POLR3E: variants seen among roughly 807,000 people sequenced by gnomAD.
The protein encoded by POLR3E is DNA-directed RNA polymerase III subunit RPC5.
Under a neutral mutation model 96.6 loss-of-function variants are expected in POLR3E, and 41 were observed. That is an observed-to-expected ratio of 0.42 (90% CI 0.33 to 0.55). The LOEUF (loss-of-function observed/expected upper bound fraction) is 0.55, where lower values mean the gene tolerates loss of function less well. POLR3E is among the 20% of genes least tolerant of loss of function. The pLI is 0.06. For synonymous variants in POLR3E, 396 were observed against 383.6 expected (o/e 1.03, Z -0.38); for missense variants, 849 against 952.1 (o/e 0.89, Z 1.43).
At position 22,301,860 on chromosome 16, in the gene POLR3E, G is replaced by C. The variant is rs373007597; in HGVS notation, c.-38-1071G>C. 8.8e-4 allele frequency among the ~76,000 whole-genome samples: 134 copies of C among 151,416 alleles called. 3 individuals are homozygous for C. The South Asian group carries it at 0.024, about 27-fold the overall frequency. ...AATCGCTTGAACCCGGGAGGCAGAG[G>C]TTGCAGTGAGCCGATCGTACCACCG... On this transcript the variant is annotated intron_variant, in intron 1 of 20. Coordinates refer to ENST00000299853, the MANE Select transcript of POLR3E (RefSeq NM_018119.4).
intron 2 of POLR3E, among the ~76,000 whole-genome samples, chr16:22,303,622 G>T (rs191985992): frequency 2.8e-4 from 40 of 141,990 alleles, no homozygotes; most frequent in African/African-American, 1.2e-3. Flanking sequence ...GGTACAGGCA[G>T]TGGGAGGCAG....
In POLR3E at chr16:22,325,799, G is replaced by A; in HGVS notation, c.1387G>A (p.Val463Ile). Residue 463 changes from valine to isoleucine, a missense_variant, in exon 18 of 21, where the codon GTA becomes ATA. By Grantham distance (29) the Val-to-Ile change is conservative (BLOSUM62 3). Transcript: ENST00000299853. ...GGTCTGTGGGGACCAGCGGATCCAA[G>A]TAGCCAAAACCAAGGCCCAGCAGAA... is the stretch of plus-strand genomic sequence containing the variant. ...GLVCGDQRIQ[V>I]AKTKAQQNHA... 6.3e-7 allele frequency: 1 copy of A among 1,599,290 alleles called. No individual in the cohort carries two copies. Among genetic ancestry groups the A allele is most frequent in the Middle Eastern group, 2.0e-4 (1 of 5,022 alleles).
chr16:22,297,902 G>T (rs1468869913), intron 1 of POLR3E, among the ~76,000 whole-genome samples: 6 of 152,254 alleles, frequency 3.9e-5, no homozygotes, highest in African/African-American at 1.4e-4. Flanking sequence ...CGTGAGAAGG[G>T]GGGCCTGACC....
Position 22,324,427 on chromosome 16 carries a change from T to C in POLR3E, c.1128+14T>C, listed in dbSNP as rs1465412900. The C allele has an allele frequency of 6.2e-7, 1 of 1,611,802 alleles. No homozygotes were observed. Among genetic ancestry groups the C allele is most frequent in the Middle Eastern group, 1.7e-4 (1 of 5,874 alleles). On this transcript the variant is annotated intron_variant, in intron 15 of 20. Coordinates refer to ENST00000299853, the MANE Select transcript of POLR3E (RefSeq NM_018119.4). ...ACCGTGACCAAAGTAAGTGGCGTTT[T>C]TGTGGTCTGAGGCCCAGGCTGCTGC... is the stretch of plus-strand genomic sequence containing the variant.
At chr16:22,303,159 C>A (rs2048062599) in intron 2 of POLR3E, among the ~76,000 whole-genome samples, 155 bp downstream of exon 2, 1 of 152,056 alleles carries the variant, frequency 6.6e-6, no homozygotes, top group South Asian at 2.1e-4. Flanking sequence ...GTCCCCCAGA[C>A]CCCTGCGTGG....
intron 1 of POLR3E, chr16:22,298,947 T>A (rs1452487183): frequency 2.2e-6 from 1 of 455,908 alleles, no homozygotes. Flanking sequence ...TGTCTGCATT[T>A]CATAGTTGAG....
In POLR3E at chr16:22,325,890, C is replaced by T. The variant is rs981757134; in HGVS notation, c.1478C>T (p.Pro493Leu). The T allele has an allele frequency of 3.6e-5, 58 of 1,608,716 alleles. No individual in the cohort carries two copies. Among genetic ancestry groups the T allele is most frequent in the Middle Eastern group, 1.7e-4 (1 of 5,814 alleles). Residue 493 changes from proline (P) to leucine (L), a missense_variant, in exon 18 of 21, where the codon CCC (proline) becomes CTC (leucine). Pro to Leu is a moderately conservative substitution (Grantham distance 98). Coordinates refer to ENST00000299853, the MANE Select transcript of POLR3E (RefSeq NM_018119.4). ...KEQLRVPAVP[P>L]GVRIKEEPVS... ...CAGCTGCGGGTGCCTGCGGTCCCGC[C>T]CGGTGTGCGGATCAAGGAGGAGCCC...
intron 6 of POLR3E, among the ~76,000 whole-genome samples, chr16:22,312,895 A>C (rs1015715825): frequency 6.6e-6 from 1 of 151,810 alleles, no homozygotes; most frequent in Non-Finnish European, 1.5e-5. Context: ...AAAAAAAAAA[A>C]AACAGTAAAG....
Position 22,328,594 on chromosome 16 carries a change from T to C in POLR3E, c.1944+7T>C. 4 of 1,611,646 alleles carry C rather than the reference T, an allele frequency of 2.5e-6. No individual in the cohort carries two copies. The highest frequency in any genetic ancestry group is 3.4e-6 in the Non-Finnish European group (4 of 1,177,886). ...TGGAGACATGAGTGATCAGGTGAGG[T>C]GAACTTTGCTGCCATCTTCCCGAAG... On this transcript the variant is annotated splice_region_variant and intron_variant, in intron 19 of 20. Coordinates refer to ENST00000299853, the MANE Select transcript of POLR3E (RefSeq NM_018119.4).
intron 16 of POLR3E, among the ~76,000 whole-genome samples, chr16:22,324,885 G>A (rs1598270498): frequency 6.6e-6 from 1 of 152,172 alleles, no homozygotes; most frequent in African/African-American, 2.4e-5. Context: ...TTTCAGCACA[G>A]GACACACAGC....
chr16:22,331,542 A>G (rs2141826666), intron 19 of POLR3E: 1 of 152,856 alleles, frequency 6.5e-6, no homozygotes, highest in South Asian at 2.1e-4. Flanking sequence ...TATGACAGAT[A>G]TTAGACATAC....
rs532710055 is a variant in POLR3E, at chr16:22,322,790, G to T, written c.987-60G>T. The T allele has an allele frequency of 9.2e-6, 11 of 1,198,898 alleles. No individual in the cohort carries two copies. The highest frequency in any genetic ancestry group is 8.7e-5 in the South Asian group (7 of 80,698). The allele number at this position is 1,198,898 out of a possible 1,614,324, so 74.3% of individuals were successfully genotyped here. A position where few individuals can be genotyped will look rare whatever the true frequency, so the allele number is the denominator to read the frequency against. On this transcript the variant is annotated intron_variant, in intron 13 of 20. Coordinates refer to ENST00000299853, the MANE Select transcript of POLR3E (RefSeq NM_018119.4). The surrounding 1 kb of genome is among the most constrained non-coding windows in gnomAD (Gnocchi z 5.2). ...CATGGACTGGGGCTTGGCCGGGAGG[G>T]GTAGCGGTAGAGGGGGCTCAGGGCA...
chr16:22,310,619 G>GT (rs1311894814), intron 6 of POLR3E, among the ~76,000 whole-genome samples: 1,419 of 44,010 alleles, frequency 0.032, 14 homozygotes, highest in Non-Finnish European at 0.039. Flanking sequence ...AGTTTAAAAA[G>GT]TTTAAAAAAA....
At chr16:22,308,767 T>C (rs1391973508) in intron 4 of POLR3E, among the ~76,000 whole-genome samples, 158 bp from the exon 5 acceptor site, 1 of 152,194 alleles carries the variant, frequency 6.6e-6, no homozygotes, top group East Asian at 1.9e-4. Context: ...TTTGTGACCC[T>C]TGGTGTGGAC....
chr16:22,298,745 G>T (rs1451744589), intron 1 of POLR3E, among the ~76,000 whole-genome samples: 1 of 152,108 alleles, frequency 6.6e-6, no homozygotes, highest in Non-Finnish European at 1.5e-5. Flanking sequence ...CCTCAGTCTC[G>T]TCATTTCCAA....
chr16:22,306,174 G>T (rs1169333853), intron 3 of POLR3E, among the ~76,000 whole-genome samples: 1 of 152,208 alleles, frequency 6.6e-6, no homozygotes, highest in African/African-American at 2.4e-5. Flanking sequence ...GGCCTGCTGT[G>T]ATTGGCTGCT....
At chr16:22,314,235 A>C (rs1271829388) in intron 8 of POLR3E, 107 bp downstream of exon 8, 1 of 874,168 alleles carries the variant, frequency 1.1e-6, no homozygotes, top group Non-Finnish European at 1.9e-6. Flanking sequence ...GACAGGGCCC[A>C]TGCTTTTGAG....
At chr16:22,306,291 C>G (rs1468864469) in intron 3 of POLR3E, among the ~76,000 whole-genome samples, 1 of 152,162 alleles carries the variant, frequency 6.6e-6, no homozygotes, top group Non-Finnish European at 1.5e-5. Flanking sequence ...CACAGTCTTG[C>G]TCTGTTGCCC....
chr16:22,305,259 T>C (rs2048111273), intron 3 of POLR3E, 53 bp downstream of exon 3: 1 of 1,329,794 alleles, frequency 7.5e-7, no homozygotes, highest in Non-Finnish European at 1.1e-6. Flanking sequence ...GGGTGGGTGG[T>C]GTGGACTCAG....
Sources: gnomAD v4.1 joint callset for allele counts (sites outside exome capture counted in the v4.1 genomes callset) on GRCh38, gnomAD v4.1.1 for gene constraint, Gnocchi (gnomAD v3.1) non-coding constraint, MANE v1.5 for transcripts, NCBI Gene and HGNC (gene_info 2026-07-23, HGNC 2026-07-21) for gene names.